Variants in POU2F3 observed in about 807,000 individuals in gnomAD.
The protein encoded by POU2F3 is POU domain, class 2, transcription factor 3.
Under a neutral mutation model 59.2 loss-of-function variants are expected in POU2F3, and 23 were observed. That is an observed-to-expected ratio of 0.39 (90% CI 0.28 to 0.55). The LOEUF is 0.55. Among genes scored for constraint, POU2F3 ranks in the 20% least tolerant of loss-of-function variants. The pLI is 0.66. For synonymous variants in POU2F3, 190 were observed against 214.6 expected (o/e 0.89, Z 1.00); for missense variants, 473 against 544.5 (o/e 0.87, Z 1.31).
At chr11:120,293,049 C>A (rs750895351) in intron 3 of POU2F3, among the ~76,000 whole-genome samples, 1 of 152,152 alleles carries the variant, frequency 6.6e-6, no homozygotes, top group Non-Finnish European at 1.5e-5. Context: ...TTTTGGAAAG[C>A]GTCTTTTCAG....
At chr11:120,300,092 G>T (rs1416305161) in intron 5 of POU2F3, among the ~76,000 whole-genome samples, 2 of 152,148 alleles carry the variant, frequency 1.3e-5, no homozygotes, top group African/African-American at 4.8e-5. Context: ...ATCTCTCCTG[G>T]ACACAGATTC....
At chr11:120,288,141 A>AC (rs1486526593) in intron 3 of POU2F3, among the ~76,000 whole-genome samples, 3 of 149,190 alleles carry the variant, frequency 2.0e-5, no homozygotes, top group Non-Finnish European at 4.5e-5. Flanking sequence ...AAAAAAAAAA[A>AC]AAAAAAACAA....
intron 3 of POU2F3, among the ~76,000 whole-genome samples, chr11:120,290,027 A>T (rs1190249486): frequency 1.3e-5 from 2 of 152,150 alleles, no homozygotes; most frequent in Non-Finnish European, 2.9e-5. Flanking sequence ...GGGAACCTTT[A>T]TAGGGCAGGA....
chr11:120,287,330 C>T (rs1482506769), intron 3 of POU2F3, among the ~76,000 whole-genome samples: 2 of 152,194 alleles, frequency 1.3e-5, no homozygotes, highest in Non-Finnish European at 2.9e-5. Context: ...ATTAGTACCA[C>T]ATATGTTTAA....
chr11:120,255,388 A>G (rs1939293468), intron 2 of POU2F3, among the ~76,000 whole-genome samples: 1 of 152,080 alleles, frequency 6.6e-6, no homozygotes, highest in African/African-American at 2.4e-5. Flanking sequence ...TGCGGAAAGG[A>G]GAGGAAACTG....
intron 2 of POU2F3, chr11:120,255,889 T>A (rs1388794918): frequency 1.3e-5 from 2 of 152,414 alleles, no homozygotes; most frequent in Non-Finnish European, 2.9e-5. Context: ...GACCTTGGAC[T>A]GATCATCTCA....
Position 120,289,190 on chromosome 11 carries a change from A to G in POU2F3, c.133-9075A>G, listed in dbSNP as rs534280271. On this transcript the variant is annotated intron_variant, in intron 3 of 12. Coordinates refer to ENST00000543440, the MANE Select transcript of POU2F3 (RefSeq NM_014352.4). ...GGACCTTCAGATTTTTTTCTGTGCT[A>G]GTTCTGGTCCTGGAAGCATTCAACA... is the stretch of plus-strand genomic sequence containing the variant. Among the ~76,000 whole-genome samples, 22 of 152,174 alleles carry G rather than the reference A, an allele frequency of 1.4e-4. No homozygotes were observed. In the South Asian group the frequency reaches 2.3e-3, roughly 16 times the overall value.
rs1396207337 is a variant in POU2F3, at chr11:120,293,285, T to C, written c.133-4980T>C. On this transcript the variant is annotated intron_variant, in intron 3 of 12. Coordinates refer to ENST00000543440, the MANE Select transcript of POU2F3 (RefSeq NM_014352.4). ...ATCTGAGGAGGCAGGAGCCTTGGAC[T>C]CCTAAGGAACAGCTAAGAGCCATGG... 2.0e-5 allele frequency among the ~76,000 whole-genome samples: 3 copies of C among 152,170 alleles called. No individual in the cohort carries two copies. In the East Asian group the frequency reaches 5.8e-4, roughly 29 times the overall value.
chr11:120,295,123 C>T (rs901078196), intron 3 of POU2F3, among the ~76,000 whole-genome samples: 2 of 152,220 alleles, frequency 1.3e-5, no homozygotes, highest in Admixed American at 6.5e-5. Flanking sequence ...GTCTGAAGGG[C>T]AATTGATCCA....
At chr11:120,317,023 A>T (rs1941805575) in intron 11 of POU2F3, 4 of 610,642 alleles carry the variant, frequency 6.6e-6, no homozygotes, top group South Asian at 3.8e-5. Flanking sequence ...CCTGGGCTGC[A>T]GAGAGCATTT....
chr11:120,245,544 G>A (rs1193785114), intron 1 of POU2F3, among the ~76,000 whole-genome samples: 1 of 152,180 alleles, frequency 6.6e-6, no homozygotes, highest in Non-Finnish European at 1.5e-5. Context: ...TTCAGTCTTT[G>A]GGTGGTTTAA....
upstream of POU2F3, chr11:120,236,719 C>T (rs904417874): frequency 5.5e-5 from 81 of 1,476,342 alleles, no homozygotes; most frequent in Non-Finnish European, 6.1e-5. Flanking sequence ...TAAAGGAGTT[C>T]TCTACGTTCC....
intron 2 of POU2F3, among the ~76,000 whole-genome samples, chr11:120,252,698 C>T (rs939931597): frequency 5.3e-5 from 8 of 152,188 alleles, no homozygotes; most frequent in African/African-American, 9.7e-5. Context: ...TCAAATAAAG[C>T]AGCCACAGCA....
At chr11:120,292,928 C>G (rs1420555159) in intron 3 of POU2F3, among the ~76,000 whole-genome samples, 1 of 152,198 alleles carries the variant, frequency 6.6e-6, no homozygotes, top group Non-Finnish European at 1.5e-5. Context: ...ATGCATGTGT[C>G]AGCACTAGCA....
At chr11:120,271,467 C>CT (rs1940070843) in intron 3 of POU2F3, among the ~76,000 whole-genome samples, 1 of 152,198 alleles carries the variant, frequency 6.6e-6, no homozygotes, top group Non-Finnish European at 1.5e-5. Context: ...GGGCCCTGTG[C>CT]TTTCTGCCCT....
intron 5 of POU2F3, chr11:120,300,759 G>T (rs1941325759): frequency 3.9e-6 from 1 of 256,418 alleles, no homozygotes; most frequent in Admixed American, 5.4e-5. Context: ...GCAAAACTCT[G>T]TCTCTGAAAA....
chr11:120,264,586 T>G (rs767367904), intron 2 of POU2F3, among the ~76,000 whole-genome samples: 31 of 152,128 alleles, frequency 2.0e-4, no homozygotes, highest in Non-Finnish European at 4.0e-4. Flanking sequence ...GGGGGGGTGG[T>G]CTAGGGTGTC....
intron 1 of POU2F3, among the ~76,000 whole-genome samples, chr11:120,244,196 A>C (rs911144517): frequency 6.6e-6 from 1 of 152,178 alleles, no homozygotes; most frequent in African/African-American, 2.4e-5. Flanking sequence ...AATTTGGAGA[A>C]TCCTAATGGT....
intron 11 of POU2F3, 42 bp from the exon 12 acceptor site, chr11:120,317,187 C>G: frequency 6.2e-7 from 1 of 1,610,412 alleles, no homozygotes; most frequent in Non-Finnish European, 8.5e-7. Flanking sequence ...CGGGATCCAG[C>G]AGCATTATTT....
Sources: gnomAD v4.1 joint callset for allele counts (sites outside exome capture counted in the v4.1 genomes callset) on GRCh38, gnomAD v4.1.1 for gene constraint, MANE v1.5 for transcripts, NCBI Gene and HGNC (gene_info 2026-07-23, HGNC 2026-07-21) for gene names.